IGF1R: variants seen among roughly 807,000 people sequenced by gnomAD.
IGF1R encodes insulin like growth factor 1 receptor.
IGF1R carries 44 observed loss-of-function variants against 144.6 expected under a neutral mutation model. The ratio of observed to expected loss-of-function variants is 0.30; its 90% CI spans 0.24 to 0.39. The LOEUF (loss-of-function observed/expected upper bound fraction) is 0.39. IGF1R is among the 10% of genes least tolerant of loss of function. The probability of loss-of-function intolerance (pLI) is 1.00; values close to 1 mark genes in which losing one functional copy is unlikely to be tolerated. For missense variants in IGF1R, 1,355 were observed against 1,833.7 expected (o/e 0.74, Z 4.77); for synonymous variants, 795 against 722.8 (o/e 1.10, Z -1.60).
At chr15:98,823,882 A>G (rs2056844681) in intron 2 of IGF1R, among the ~76,000 whole-genome samples, 4 of 152,322 alleles carry the variant, frequency 2.6e-5, no homozygotes, top group Admixed American at 6.5e-5. Context: ...TTGGCTAACC[A>G]CTATTTTCAG....
chr15:98,870,370 T>G (rs1437090109), intron 2 of IGF1R, among the ~76,000 whole-genome samples: 1 of 152,218 alleles, frequency 6.6e-6, no homozygotes, highest in Non-Finnish European at 1.5e-5. Flanking sequence ...ATGATGGGGC[T>G]GCAGGAATGG....
intron 15 of IGF1R, among the ~76,000 whole-genome samples, chr15:98,933,600 A>G (rs549996017): frequency 6.6e-6 from 1 of 152,336 alleles, no homozygotes; most frequent in Admixed American, 6.5e-5. Flanking sequence ...GCCTACGATT[A>G]CAGGCATGAG....
At chr15:98,818,983 G>C (rs1159480089) in intron 2 of IGF1R, among the ~76,000 whole-genome samples, 1 of 152,164 alleles carries the variant, frequency 6.6e-6, no homozygotes, top group African/African-American at 2.4e-5. Flanking sequence ...ACAGAACAGG[G>C]GGTGGAGGCT....
intron 2 of IGF1R, among the ~76,000 whole-genome samples, chr15:98,877,273 T>A (rs1036379224): frequency 6.6e-6 from 1 of 152,164 alleles, no homozygotes; most frequent in Non-Finnish European, 1.5e-5. Context: ...AGCATGTACT[T>A]CTTTAAGAGC....
At position 98,959,182 on chromosome 15, in the gene IGF1R, G is replaced by A. The variant is rs1043815112; in HGVS notation, c.*1740G>A. ...CCTCTCTTTCCCTTGCCTTTGCTTA[G>A]GTTGTGACACACATATATATATATT... is the stretch of plus-strand genomic sequence containing the variant. On this transcript the variant is annotated 3_prime_UTR_variant, in exon 21 of 21. Coordinates refer to ENST00000650285, the MANE Select transcript of IGF1R (RefSeq NM_000875.5). The A allele has an allele frequency of 3.9e-5, 9 of 233,350 alleles. No individual in the cohort carries two copies. The highest frequency in any genetic ancestry group is 3.4e-4 in the Admixed American group (6 of 17,774). The allele number at this position is 233,350 out of a possible 1,614,324, so 14.5% of individuals were successfully genotyped here.
intron 11 of IGF1R, 86 bp from the exon 12 acceptor site, chr15:98,923,790 G>C: frequency 3.8e-6 from 4 of 1,042,908 alleles, no homozygotes; most frequent in Non-Finnish European, 4.5e-6. Context: ...CCGTGTGGAT[G>C]GGGGGGTTAT....
At chr15:98,887,207 G>A (rs2013683301) in intron 2 of IGF1R, among the ~76,000 whole-genome samples, 1 of 152,150 alleles carries the variant, frequency 6.6e-6, no homozygotes. Context: ...ATCGGTTGTG[G>A]CACGGACTGA....
intron 2 of IGF1R, among the ~76,000 whole-genome samples, chr15:98,782,615 A>C (rs536660805): frequency 1.3e-5 from 2 of 152,212 alleles, no homozygotes; most frequent in Non-Finnish European, 2.9e-5. Flanking sequence ...TAACCATTGC[A>C]TAAAGCTGGA....
intron 2 of IGF1R, among the ~76,000 whole-genome samples, chr15:98,874,397 A>C (rs1260151956): frequency 2.0e-5 from 3 of 152,262 alleles, no homozygotes; most frequent in Non-Finnish European, 4.4e-5. Context: ...AGGCAGTTTC[A>C]GAATTGGAAA....
intron 2 of IGF1R, among the ~76,000 whole-genome samples, chr15:98,879,814 T>C (rs1437715483): frequency 1.3e-5 from 2 of 152,166 alleles, no homozygotes; most frequent in African/African-American, 4.8e-5. Context: ...AGTACTGATA[T>C]ATGCCACACC....
In IGF1R at chr15:98,738,282, C is replaced by T. The variant is rs562209552; in HGVS notation, c.640+30175C>T. ...AACTGCTGGACTCAAGGGATCCTTC[C>T]GACTCAGCCTCCCAATTAGCTGGGA... On this transcript the variant is annotated intron_variant, in intron 2 of 20. Transcript: ENST00000650285. 7.2e-5 allele frequency among the ~76,000 whole-genome samples: 11 copies of T among 152,306 alleles called. No homozygotes were observed. In the East Asian group the frequency reaches 9.6e-4, roughly 13 times the overall value.
chr15:98,948,646 A>G lies in IGF1R; in HGVS notation c.3660A>G (p.Gln1220=). Residue 1220 remains glutamine (Q), a synonymous_variant, in exon 20 of 21, where the codon CAA becomes CAG. Transcript: ENST00000650285. The part of the protein sequence containing the change: ...EQPYQGLSNE[Q]VLRFVMEGGL... The stretch of plus-strand genomic sequence containing the variant: ...CCTACCAGGGCTTGTCCAACGAGCA[A>G]GTCCTTCGCTTCGTCATGGAGGGCG... The G allele has an allele frequency of 1.2e-6, 2 of 1,614,174 alleles. No homozygotes were observed. The highest frequency in any genetic ancestry group is 8.5e-7 in the Non-Finnish European group (1 of 1,180,008).
intron 18 of IGF1R, 48 bp from the exon 19 acceptor site, chr15:98,942,875 G>C (rs2016416607): frequency 6.2e-7 from 1 of 1,613,066 alleles, no homozygotes. Flanking sequence ...TGTGACAGCA[G>C]TGGTGCCTGC....
chr15:98,847,176 C>T (rs894775188), intron 2 of IGF1R, among the ~76,000 whole-genome samples: 3 of 152,094 alleles, frequency 2.0e-5, no homozygotes, highest in Non-Finnish European at 2.9e-5. Flanking sequence ...AGGGTTTTAC[C>T]ATGTTGGCTA....
intron 20 of IGF1R, among the ~76,000 whole-genome samples, chr15:98,950,686 G>A (rs1387787615): frequency 1.3e-5 from 2 of 152,166 alleles, no homozygotes; most frequent in Non-Finnish European, 2.9e-5. Context: ...ATCTACCCAG[G>A]ATACTCTCTC....
chr15:98,877,267 T>G (rs570707827), intron 2 of IGF1R, among the ~76,000 whole-genome samples: 1 of 152,196 alleles, frequency 6.6e-6, no homozygotes, highest in East Asian at 1.9e-4. Context: ...TTAAAAAGCA[T>G]GTACTTCTTT....
chr15:98,928,632 C>T (rs2015818618), intron 13 of IGF1R, among the ~76,000 whole-genome samples: 1 of 152,200 alleles, frequency 6.6e-6, no homozygotes, highest in Non-Finnish European at 1.5e-5. Flanking sequence ...CAAGTTTTCC[C>T]TTGGGGAGGT....
intron 2 of IGF1R, among the ~76,000 whole-genome samples, chr15:98,785,099 T>C (rs1355020202): frequency 6.6e-6 from 1 of 152,242 alleles, no homozygotes; most frequent in Non-Finnish European, 1.5e-5. Context: ...GTTTGTAATT[T>C]TATGATTACA....
intron 2 of IGF1R, among the ~76,000 whole-genome samples, chr15:98,727,014 C>A (rs976963808): frequency 2.0e-5 from 3 of 152,186 alleles, no homozygotes; most frequent in Non-Finnish European, 4.4e-5. Context: ...AGCCGCCACA[C>A]CTGGCCTGAT....
Sources: allele counts gnomAD v4.1 joint callset (sites outside exome capture counted in the v4.1 genomes callset), GRCh38; gene constraint gnomAD v4.1.1; transcripts MANE v1.5; gene names NCBI Gene and HGNC (gene_info 2026-07-23, HGNC 2026-07-21).